Variants in TENM2 observed in about 807,000 individuals in gnomAD.
TENM2 encodes the protein teneurin-2.
TENM2 carries 52 observed loss-of-function variants against 245.2 expected under a neutral mutation model. The observed-to-expected ratio is 0.21, with a 90% CI of 0.17 to 0.27. TENM2 has a LOEUF of 0.27. TENM2 is among the 10% of genes least tolerant of loss of function. The pLI is 1.00. For missense variants in TENM2, 3,046 were observed against 3,666.8 expected, an observed-to-expected ratio of 0.83 and a Z score of 4.37; for synonymous variants, 1,363 against 1,438.9, an observed-to-expected ratio of 0.95 and a Z score of 1.19.
intron 1 of TENM2, chr5:167,307,824 A>G (rs576623402): frequency 2.6e-5 from 4 of 152,220 alleles, no homozygotes; most frequent in South Asian, 2.1e-4. Context: ...TCCAGTATCC[A>G]TACAATGTTA....
chr5:168,058,412 G>A (rs1384463581), intron 6 of TENM2, among the ~76,000 whole-genome samples: 1 of 152,184 alleles, frequency 6.6e-6, no homozygotes, highest in Non-Finnish European at 1.5e-5. Context: ...CAGAGACTTA[G>A]GAAGGCATGC....
intron 11 of TENM2, among the ~76,000 whole-genome samples, 160 bp downstream of exon 13, chr5:168,125,210 G>C (rs1245675265): frequency 6.6e-6 from 1 of 152,168 alleles, no homozygotes; most frequent in Admixed American, 6.5e-5. Context: ...CTCAATCGTG[G>C]AGTCTGTGAT....
chr5:167,016,666 G>A, the TENM2 span, among the ~76,000 whole-genome samples: 1 of 152,164 alleles, frequency 6.6e-6, no homozygotes, highest in Non-Finnish European at 1.5e-5. Context: ...ACAACCTTGA[G>A]AGCATTATGT....
chr5:167,306,328 A>C (rs1755674015), intron 1 of TENM2: 1 of 152,206 alleles, frequency 6.6e-6, no homozygotes, highest in Non-Finnish European at 1.5e-5. Context: ...CTCAAACCAG[A>C]TGGTCTTCTC....
intron 4 of TENM2, among the ~76,000 whole-genome samples, chr5:167,985,873 A>G (rs1217518304): frequency 6.6e-6 from 1 of 152,254 alleles, no homozygotes; most frequent in East Asian, 1.9e-4. Context: ...AGGGAAAAAC[A>G]AGAAAAAGAA....
intron 27 of TENM2, among the ~76,000 whole-genome samples, chr5:168,252,844 T>C (rs1278111307): frequency 1.3e-5 from 2 of 148,364 alleles, no homozygotes; most frequent in African/African-American, 5.0e-5. Flanking sequence ...CGAAACTCAG[T>C]CTCAAAAAAA....
the TENM2 span, among the ~76,000 whole-genome samples, chr5:167,035,873 G>C: frequency 6.6e-6 from 1 of 152,182 alleles, no homozygotes; most frequent in African/African-American, 2.4e-5. Flanking sequence ...CTCCCCTGTA[G>C]CTGGGATTAC....
chr5:167,442,189 A>G (rs1270544766), intron 2 of TENM2, among the ~76,000 whole-genome samples: 1 of 152,030 alleles, frequency 6.6e-6, no homozygotes, highest in South Asian at 2.1e-4. Flanking sequence ...CTCTTTTTTC[A>G]TTCAGTGATA....
chr5:167,953,106 G>A (rs1780250420), intron 4 of TENM2, among the ~76,000 whole-genome samples: 1 of 152,170 alleles, frequency 6.6e-6, no homozygotes, highest in African/African-American at 2.4e-5. Context: ...TTTACTCGAA[G>A]GCTCATGGGA....
chr5:168,012,071 G>T (rs1225201549), intron 5 of TENM2, among the ~76,000 whole-genome samples: 1 of 152,148 alleles, frequency 6.6e-6, no homozygotes, highest in African/African-American at 2.4e-5. Flanking sequence ...CCATCAACTT[G>T]TAAATATATG....
At chr5:167,715,814 A>C (rs1759216479) in intron 2 of TENM2, among the ~76,000 whole-genome samples, 1 of 152,212 alleles carries the variant, frequency 6.6e-6, no homozygotes, top group Admixed American at 6.5e-5. Context: ...TGAATACGAA[A>C]TATATTCCCA....
the TENM2 span, among the ~76,000 whole-genome samples, chr5:166,988,349 A>G: frequency 3.9e-5 from 6 of 152,292 alleles, no homozygotes; most frequent in Admixed American, 2.0e-4. Flanking sequence ...CCCCATTTCA[A>G]CTTTGACTCA....
chr5:167,969,402 C>T (rs1409345026), intron 4 of TENM2, among the ~76,000 whole-genome samples: 1 of 152,176 alleles, frequency 6.6e-6, no homozygotes, highest in Non-Finnish European at 1.5e-5. Flanking sequence ...TGCCTTCTGC[C>T]ATGACTGTGA....
At chr5:167,595,284 G>A (rs1776126624) in intron 2 of TENM2, among the ~76,000 whole-genome samples, 1 of 152,116 alleles carries the variant, frequency 6.6e-6, no homozygotes, top group Non-Finnish European at 1.5e-5. Context: ...TTTTACCTTT[G>A]TTAGTCATTT....
chr5:167,538,699 T>A (rs542924913), intron 2 of TENM2, among the ~76,000 whole-genome samples: 1 of 152,284 alleles, frequency 6.6e-6, no homozygotes, highest in East Asian at 1.9e-4. Context: ...CCAGGGTAAA[T>A]GGATAAATTG....
intron 2 of TENM2, among the ~76,000 whole-genome samples, chr5:167,733,913 T>G (rs996943555): frequency 1.3e-5 from 2 of 152,162 alleles, no homozygotes; most frequent in Non-Finnish European, 2.9e-5. Flanking sequence ...TCTCTCCACA[T>G]TGCGTATGAG....
chr5:167,015,255 G>A, the TENM2 span, among the ~76,000 whole-genome samples: 10 of 152,056 alleles, frequency 6.6e-5, no homozygotes, highest in Admixed American at 3.3e-4. Context: ...TCAAAATGCC[G>A]TACTCTTCTA....
intron 1 of TENM2, among the ~76,000 whole-genome samples, chr5:167,336,726 T>C: frequency 6.6e-6 from 1 of 152,058 alleles, no homozygotes; most frequent in Non-Finnish European, 1.5e-5. Context: ...CCCAAACTTT[T>C]TGAGTGCTGA....
intron 5 of TENM2, among the ~76,000 whole-genome samples, chr5:168,037,627 T>C (rs952165386): frequency 6.7e-6 from 1 of 149,950 alleles, no homozygotes; most frequent in Non-Finnish European, 1.5e-5. Context: ...ATTAAGCGGG[T>C]AAGAGGAGGA....
Sources: allele counts gnomAD v4.1 joint callset (sites outside exome capture counted in the v4.1 genomes callset), GRCh38; gene constraint gnomAD v4.1.1; transcripts MANE v1.5; gene names NCBI Gene and HGNC (gene_info 2026-07-23, HGNC 2026-07-21).